Variants in SH3KBP1 observed in about 807,000 individuals in gnomAD.
SH3KBP1 encodes SH3 domain-containing kinase-binding protein 1.
SH3KBP1 carries 8 observed loss-of-function variants against 50.1 expected under a neutral mutation model. The observed-to-expected ratio is 0.16, with a 90% CI of 0.09 to 0.29. The LOEUF (loss-of-function observed/expected upper bound fraction) is 0.29, where lower values mean the gene tolerates loss of function less well. Among genes scored for constraint, SH3KBP1 ranks in the 10% least tolerant of loss-of-function variants. The probability of loss-of-function intolerance (pLI) is 1.00; values close to 1 mark genes in which losing one functional copy is unlikely to be tolerated. For missense variants in SH3KBP1, 377 were observed against 535.2 expected (o/e 0.70, Z 2.92); for synonymous variants, 227 against 218.6 (o/e 1.04, Z -0.34).
intron 2 of SH3KBP1, among the ~76,000 whole-genome samples, chrX:19,812,994 T>C (rs1603259552): frequency 9.5e-6 from 1 of 105,517 alleles, no homozygotes; most frequent in African/African-American, 3.5e-5. Context: ...CAACAAAAAA[T>C]TAGCTAGATG....
intron 2 of SH3KBP1, among the ~76,000 whole-genome samples, chrX:19,782,319 T>C (rs1181904399): frequency 8.9e-6 from 1 of 111,844 alleles, no homozygotes; most frequent in Non-Finnish European, 1.9e-5. Flanking sequence ...AGAACACCGT[T>C]GGAGGGCACA....
intron 7 of SH3KBP1, among the ~76,000 whole-genome samples, chrX:19,636,684 C>G (rs1285404274): frequency 9.0e-6 from 1 of 111,308 alleles, no homozygotes; most frequent in African/African-American, 3.3e-5. Flanking sequence ...AAAAACAAAC[C>G]AACTTCAAAC....
intron 1 of SH3KBP1, among the ~76,000 whole-genome samples, chrX:19,836,815 T>C (rs2068071267): frequency 8.9e-6 from 1 of 111,980 alleles, no homozygotes; most frequent in South Asian, 3.7e-4. Flanking sequence ...AGGGACCCAG[T>C]GGGAGGTAAT....
intron 2 of SH3KBP1, among the ~76,000 whole-genome samples, chrX:19,828,611 G>A (rs774754607): frequency 6.7e-4 from 73 of 109,522 alleles, no homozygotes; most frequent in African/African-American, 2.2e-3. Flanking sequence ...GTGAAACCCC[G>A]TCTATACAAA....
At chrX:19,879,394 G>A (rs2069364607) in intron 1 of SH3KBP1, among the ~76,000 whole-genome samples, 2 of 111,900 alleles carry the variant, frequency 1.8e-5, no homozygotes, top group Admixed American at 1.9e-4. Flanking sequence ...TCTACCACTA[G>A]GGGACCATTG....
At chrX:19,572,412 T>A (rs1158859681) in intron 12 of SH3KBP1, among the ~76,000 whole-genome samples, 1 of 86,661 alleles carries the variant, frequency 1.2e-5, no homozygotes, top group Non-Finnish European at 2.1e-5. Flanking sequence ...ATATAGTACA[T>A]ACATGTTATA....
chrX:19,760,031 T>TCTCTCTCTCC (rs1276347949), intron 2 of SH3KBP1, among the ~76,000 whole-genome samples: 4 of 68,927 alleles, frequency 5.8e-5, no homozygotes, highest in East Asian at 4.1e-4. Flanking sequence ...CTCCTCTCTC[T>TCTCTCTCTCC]CTCTCTCTCC....
intron 9 of SH3KBP1, among the ~76,000 whole-genome samples, chrX:19,599,804 C>T (rs970886792): frequency 1.8e-5 from 2 of 111,326 alleles, no homozygotes; most frequent in African/African-American, 6.5e-5. Context: ...TGTCCCCCTC[C>T]CCAAAATGAT....
chrX:19,574,483 A>T (rs766558999), intron 12 of SH3KBP1, among the ~76,000 whole-genome samples: 10 of 112,867 alleles, frequency 8.9e-5, no homozygotes, highest in Non-Finnish European at 1.9e-4. Context: ...TATTTCTTAC[A>T]GTTCTGGAGG....
intron 13 of SH3KBP1, among the ~76,000 whole-genome samples, chrX:19,563,465 C>T (rs111560728): frequency 0.053 from 5,901 of 111,725 alleles, 168 homozygotes; most frequent in Non-Finnish European, 0.086. Context: ...TCTGTAAGTT[C>T]GAGGAAGGAA....
At position 19,683,861 on chromosome X, in the gene SH3KBP1, A is replaced by C. The variant is rs1448134683; in HGVS notation, c.688T>G (p.Ser230Ala). 1 of 1,211,041 alleles carries C rather than the reference A, an allele frequency of 8.3e-7. No individual in the cohort carries two copies. Among genetic ancestry groups the C allele is most frequent in the Admixed American group, 2.2e-5 (1 of 46,037 alleles). Residue 230 changes from serine (S) to alanine (A), a missense_variant, in exon 6 of 18, where the codon TCA becomes GCA. Physicochemically the swap from Ser to Ala is moderately conservative, Grantham distance 99. Coordinates refer to ENST00000397821, the MANE Select transcript of SH3KBP1 (RefSeq NM_031892.3). The stretch of plus-strand genomic sequence containing the variant: ...AGAAAGTCATTTTCTACTTCAATTG[A>C]CCTTGGTCTTAGTTTGATTGGCTTG... ...KDKPIKLRPR[S>A]IEVENDFLPV...
In SH3KBP1 at chrX:19,684,005, C is replaced by T; in HGVS notation, c.544G>A (p.Glu182Lys). 1 of 1,210,482 alleles carries T rather than the reference C, an allele frequency of 8.3e-7. No homozygotes were observed. The highest frequency in any genetic ancestry group is 1.1e-6 in the Non-Finnish European group (1 of 894,835). ...KSSLRETTGS[E>K]SDGGDSSSTK... The stretch of plus-strand genomic sequence containing the variant: ...CTGCTTGAGTCACCCCCATCACTCT[C>T]GGAGCCTGTGGTTTCCCTTAAACCT... Residue 182 changes from glutamate to lysine, a missense_variant, in exon 6 of 18, where the codon GAG becomes AAG. Glu to Lys is a moderately conservative substitution (Grantham distance 56). Coordinates refer to ENST00000397821, the MANE Select transcript of SH3KBP1 (RefSeq NM_031892.3).
At chrX:19,633,416 C>T (rs777236441) in intron 7 of SH3KBP1, among the ~76,000 whole-genome samples, 2 of 111,857 alleles carry the variant, frequency 1.8e-5, no homozygotes, top group African/African-American at 3.3e-5. Context: ...TAGTTACCAA[C>T]GTTCTATCTC....
intron 2 of SH3KBP1, among the ~76,000 whole-genome samples, chrX:19,760,074 C>T (rs998232760): frequency 1.1e-5 from 1 of 93,719 alleles, no homozygotes; most frequent in Non-Finnish European, 2.1e-5. Context: ...CTCTCTCTCT[C>T]TCTCTCTCTC....
chrX:19,788,400 C>T (rs754482139), intron 2 of SH3KBP1, among the ~76,000 whole-genome samples: 2 of 109,780 alleles, frequency 1.8e-5, no homozygotes, highest in Non-Finnish European at 3.8e-5. Flanking sequence ...ACCCAAAGAT[C>T]GCCAGCAAAC....
chrX:19,844,942 T>C (rs1711114539), intron 1 of SH3KBP1, among the ~76,000 whole-genome samples: 1 of 110,174 alleles, frequency 9.1e-6, no homozygotes, highest in Non-Finnish European at 1.9e-5. Flanking sequence ...TAGCCGGGCG[T>C]GGTGGCGGGA....
chrX:19,549,108 G>A (rs1602426399), intron 14 of SH3KBP1, among the ~76,000 whole-genome samples: 1 of 112,192 alleles, frequency 8.9e-6, no homozygotes, highest in East Asian at 2.8e-4. Flanking sequence ...TTAGAAAAAT[G>A]GGCAGCCATG....
intron 3 of SH3KBP1, among the ~76,000 whole-genome samples, chrX:19,729,056 G>A (rs2064302977): frequency 1.8e-5 from 2 of 112,415 alleles, no homozygotes; most frequent in African/African-American, 6.5e-5. Flanking sequence ...GTCATGGGGA[G>A]ATAAAGGCAC....
At chrX:19,582,792 T>C (rs958068403) in intron 12 of SH3KBP1, among the ~76,000 whole-genome samples, 88 of 112,290 alleles carry the variant, frequency 7.8e-4, no homozygotes, top group African/African-American at 2.7e-3. Context: ...GTGAAGGTCC[T>C]GCTCTAGCTT....
Sources: gnomAD v4.1 joint callset for allele counts (sites outside exome capture counted in the v4.1 genomes callset) on GRCh38, gnomAD v4.1.1 for gene constraint, MANE v1.5 for transcripts, NCBI Gene and HGNC (gene_info 2026-07-23, HGNC 2026-07-21) for gene names.